The following ARMC2 variants were observed in gnomAD, a reference collection of about 807,000 sequenced individuals.
ARMC2 encodes armadillo repeat-containing protein 2.
A neutral mutation model predicts 90.3 loss-of-function variants in ARMC2; 67 were observed. The ratio of observed to expected loss-of-function variants is 0.74; its 90% CI spans 0.61 to 0.91. ARMC2 has a LOEUF of 0.91. Among genes scored for constraint, ARMC2 ranks in the 40% least tolerant of loss-of-function variants. The pLI is 0.00. For missense variants in ARMC2, 920 were observed against 1,030.9 expected, an observed-to-expected ratio of 0.89 and a Z score of 1.47; for synonymous variants, 393 against 393.0, an observed-to-expected ratio of 1.00 and a Z score of 0.00.
chr6:108,977,475 T>A (rs1779008129), downstream of ARMC2, among the ~76,000 whole-genome samples: 1 of 152,212 alleles, frequency 6.6e-6, no homozygotes, highest in Admixed American at 6.5e-5. Flanking sequence ...TTGTTGTATC[T>A]CTGCCAGGTT....
At chr6:108,889,526 G>C (rs923626061) in intron 5 of ARMC2, among the ~76,000 whole-genome samples, 2 of 149,628 alleles carry the variant, frequency 1.3e-5, no homozygotes, top group Non-Finnish European at 3.0e-5. Context: ...CTGCAGCCTC[G>C]ACCTTCTGGG....
At chr6:108,879,129 C>T (rs989041251) in intron 5 of ARMC2, among the ~76,000 whole-genome samples, 1 of 151,590 alleles carries the variant, frequency 6.6e-6, no homozygotes, top group African/African-American at 2.4e-5. Context: ...TCCATCCATC[C>T]ATCCGCTCAT....
intron 11 of ARMC2, among the ~76,000 whole-genome samples, chr6:108,930,903 C>CT (rs533786819): frequency 1.4e-3 from 190 of 140,268 alleles, no homozygotes; most frequent in African/African-American, 3.6e-3. Flanking sequence ...CCCCCACCCC[C>CT]TTTTTTTTTT....
the ARMC2 span, among the ~76,000 whole-genome samples, chr6:109,027,683 A>C: frequency 1.4e-4 from 22 of 152,192 alleles, no homozygotes; most frequent in Middle Eastern, 0.01. Flanking sequence ...TGTAGCAGGG[A>C]GAGACCAGGG....
intron 9 of ARMC2, 149 bp from the exon 10 acceptor site, chr6:108,912,186 T>C: frequency 1.8e-6 from 1 of 560,126 alleles, no homozygotes; most frequent in Non-Finnish European, 3.0e-6. Flanking sequence ...GCTTTTCTCT[T>C]ATACTATATA....
At chr6:108,953,392 C>T in intron 13 of ARMC2, 41 bp downstream of exon 13, 1 of 1,542,832 alleles carries the variant, frequency 6.5e-7, no homozygotes, top group Non-Finnish European at 8.7e-7. Flanking sequence ...ACACAACCAA[C>T]TTTCCCGCGG....
intron 12 of ARMC2, among the ~76,000 whole-genome samples, chr6:108,937,687 AT>A (rs1776063866): frequency 6.6e-6 from 1 of 152,030 alleles, no homozygotes; most frequent in African/African-American, 2.4e-5. Context: ...TACAGACATT[AT>A]TTTTATTTTT....
the ARMC2 span, among the ~76,000 whole-genome samples, chr6:109,042,309 C>T: frequency 4.0e-5 from 6 of 151,130 alleles, no homozygotes; most frequent in East Asian, 1.2e-3. Context: ...GAAAGAAGAG[C>T]AGTATAAACT....
chr6:108,873,066 T>C (rs761849453), intron 4 of ARMC2, among the ~76,000 whole-genome samples: 4 of 152,168 alleles, frequency 2.6e-5, no homozygotes, highest in African/African-American at 4.8e-5. Flanking sequence ...TGGCAAACTT[T>C]TTCTGTAAAG....
At position 108,935,663 on chromosome 6, in the gene ARMC2, G is replaced by T. The variant is rs1471622102; in HGVS notation, c.1497-1237G>T. Among the ~76,000 whole-genome samples, 4 of 152,140 alleles carry T rather than the reference G, an allele frequency of 2.6e-5. No homozygotes were observed. The East Asian group carries it at 7.7e-4, about 29-fold the overall frequency. On this transcript the variant is annotated intron_variant, in intron 11 of 17. Transcript: ENST00000392644. ...TCGCCATGTTAGCCAGGCTGGTCTT[G>T]AACTCCTGGCCTCAAGTGATCCTCC... is the stretch of plus-strand genomic sequence containing the variant.
At chr6:108,945,704 C>T (rs1024385058) in intron 12 of ARMC2, among the ~76,000 whole-genome samples, 1 of 152,242 alleles carries the variant, frequency 6.6e-6, no homozygotes, top group African/African-American at 2.4e-5. Flanking sequence ...AATGCTTAGC[C>T]ATCGTGGTAT....
chr6:109,009,850 GGAA>G, the ARMC2 span, among the ~76,000 whole-genome samples: 3 of 152,064 alleles, frequency 2.0e-5, no homozygotes, highest in African/African-American at 7.2e-5. Context: ...CAGGGACAGG[GGAA>G]TCTGCCCCCT....
intron 6 of ARMC2, among the ~76,000 whole-genome samples, chr6:108,895,334 C>T (rs1300738258): frequency 6.6e-6 from 1 of 151,002 alleles, no homozygotes; most frequent in Non-Finnish European, 1.5e-5. Flanking sequence ...AAATTAGCTA[C>T]GCATGGTGGG....
the ARMC2 span, among the ~76,000 whole-genome samples, chr6:108,985,456 T>G: frequency 6.6e-6 from 1 of 152,162 alleles, no homozygotes; most frequent in Non-Finnish European, 1.5e-5. Flanking sequence ...ATAGTAACAT[T>G]AGAAATCCTG....
chr6:108,945,643 A>C (rs1776751535), intron 12 of ARMC2, among the ~76,000 whole-genome samples: 1 of 152,238 alleles, frequency 6.6e-6, no homozygotes, highest in Admixed American at 6.5e-5. Context: ...AGACTTCTAT[A>C]GGCATAAGCT....
Position 108,962,270 on chromosome 6 carries a change from G to C in ARMC2, c.2152+143G>C, listed in dbSNP as rs186315959. 11 of 723,192 alleles carry C rather than the reference G, an allele frequency of 1.5e-5. No individual in the cohort carries two copies. In the Admixed American group the frequency reaches 2.8e-4, roughly 18 times the overall value. 44.8% of individuals were successfully genotyped at this position (723,192 alleles called of 1,614,324 possible). A position where few individuals can be genotyped will look rare whatever the true frequency, so the allele number is the denominator to read the frequency against. On this transcript the variant is annotated intron_variant, in intron 15 of 17. Coordinates refer to ENST00000392644, the MANE Select transcript of ARMC2 (RefSeq NM_032131.6). Reference sequence around the variant, plus strand: ...CTTCGTGTTTAAGGCTCCTGGCTCAGGATGCCAAGATGGACCTAGGCAGTG... The same window carrying C: ...CTTCGTGTTTAAGGCTCCTGGCTCACGATGCCAAGATGGACCTAGGCAGTG...
At chr6:108,967,104 G>T (rs1451801437) in intron 17 of ARMC2, among the ~76,000 whole-genome samples, 2 of 152,182 alleles carry the variant, frequency 1.3e-5, no homozygotes, top group Non-Finnish European at 2.9e-5. Context: ...GTTAGGGAAA[G>T]AATTCTCTCC....
chr6:108,932,479 G>A (rs539156497), intron 11 of ARMC2, among the ~76,000 whole-genome samples: 10 of 133,466 alleles, frequency 7.5e-5, no homozygotes, highest in South Asian at 2.5e-4. Context: ...CTGTTACCCC[G>A]TGATTATTTA....
At chr6:108,881,596 G>A (rs889025721) in intron 5 of ARMC2, among the ~76,000 whole-genome samples, 12 of 152,282 alleles carry the variant, frequency 7.9e-5, no homozygotes, top group South Asian at 6.2e-4. Flanking sequence ...GGAGCAGGGA[G>A]TATGCCCTGT....
Sources: allele counts gnomAD v4.1 joint callset (sites outside exome capture counted in the v4.1 genomes callset), GRCh38; gene constraint gnomAD v4.1.1; transcripts MANE v1.5; gene names NCBI Gene and HGNC (gene_info 2026-07-23, HGNC 2026-07-21).